FBXW8: variants seen among roughly 807,000 people sequenced by gnomAD.
FBXW8 encodes the protein F-box/WD repeat-containing protein 8.
A neutral mutation model predicts 65.3 loss-of-function variants in FBXW8; 57 were observed. The observed-to-expected ratio is 0.87, with a 90% CI of 0.71 to 1.09. The LOEUF (loss-of-function observed/expected upper bound fraction) is 1.09, where lower values mean the gene tolerates loss of function less well. Ranked by LOEUF, FBXW8 falls within the 50% of genes least tolerant of loss-of-function variation. The pLI, the probability that FBXW8 is intolerant of heterozygous loss-of-function variation, is 0.00. For missense variants in FBXW8, 777 were observed against 814.8 expected (o/e 0.95, Z 0.57); for synonymous variants, 308 against 330.2 (o/e 0.93, Z 0.73).
In FBXW8 at chr12:116,979,814, A is replaced by G. The variant is rs150314746; in HGVS notation, c.836-5392A>G. On this transcript the variant is annotated intron_variant, in intron 5 of 10. Coordinates refer to ENST00000652555, the MANE Select transcript of FBXW8 (RefSeq NM_153348.3). ...AAAAAAAACACTTGCTTCTTATGCC[A>G]CTGCCAAGAAACCAAGTAGAACCTC... 5.1e-3 allele frequency among the ~76,000 whole-genome samples: 760 copies of G among 147,822 alleles called. 7 individuals carry two copies. Among genetic ancestry groups the G allele is most frequent in the African/African-American group, 0.018 (707 of 39,798 alleles).
intron 2 of FBXW8, among the ~76,000 whole-genome samples, chr12:116,941,067 G>T (rs1485194059): frequency 2.6e-5 from 4 of 152,222 alleles, no homozygotes; most frequent in African/African-American, 9.6e-5. Flanking sequence ...CTTCAAAAGG[G>T]CAAAATCAGG....
intron 1 of FBXW8, among the ~76,000 whole-genome samples, chr12:116,915,585 G>T (rs913688508): frequency 6.8e-6 from 1 of 147,958 alleles, no homozygotes; most frequent in Non-Finnish European, 1.5e-5. Flanking sequence ...TTCCACCCAG[G>T]GGTAACCACT....
chr12:116,992,872 C>A (rs1953280493), intron 7 of FBXW8, among the ~76,000 whole-genome samples: 1 of 150,014 alleles, frequency 6.7e-6, no homozygotes, highest in South Asian at 2.1e-4. Context: ...GTGATTTGTC[C>A]TGCAATAAAC....
chr12:117,011,621 T>C (rs1953820530), intron 8 of FBXW8, among the ~76,000 whole-genome samples: 1 of 152,070 alleles, frequency 6.6e-6, no homozygotes, highest in Non-Finnish European at 1.5e-5. Flanking sequence ...TAATCCCGCA[T>C]TTTAGTTTTC....
rs1881468709 is a variant in FBXW8, at chr12:116,928,074, G to A, written c.370G>A (p.Ala124Thr). Residue 124 changes from alanine to threonine, a missense_variant, in exon 2 of 11, where the codon GCA (alanine) becomes ACA (threonine). Coordinates refer to ENST00000652555, the MANE Select transcript of FBXW8 (RefSeq NM_153348.3). ...FFDIQLPYEL[A>T]INIFQYLDRK... ...TGATATCCAACTGCCTTACGAATTG[G>A]CAATCAATATATTTCAGTATCTGGA... The A allele has an allele frequency of 3.1e-6, 5 of 1,611,890 alleles. No homozygotes were observed. The highest frequency in any genetic ancestry group is 4.2e-6 in the Non-Finnish European group (5 of 1,179,228).
intron 1 of FBXW8, among the ~76,000 whole-genome samples, chr12:116,927,269 C>T (rs754561968): frequency 2.0e-5 from 3 of 152,114 alleles, no homozygotes; most frequent in African/African-American, 7.2e-5. Flanking sequence ...AAATAAAGCC[C>T]GTTACCTCAT....
intron 1 of FBXW8, among the ~76,000 whole-genome samples, chr12:116,923,880 C>T (rs955319087): frequency 6.6e-6 from 1 of 152,046 alleles, no homozygotes; most frequent in Non-Finnish European, 1.5e-5. Context: ...GCCACCAGGC[C>T]CGGCTAATTT....
chr12:117,029,266 C>CTATA lies in FBXW8; in HGVS notation c.*1095_*1098dup, dbSNP rs1236865100. 1 of 152,246 alleles carries CTATA rather than the reference C, an allele frequency of 6.6e-6. No homozygotes were observed. Among genetic ancestry groups the CTATA allele is most frequent in the Non-Finnish European group, 1.5e-5 (1 of 68,072 alleles). The allele number at this position is 152,246 out of a possible 1,614,324, so 9.4% of individuals were successfully genotyped here. ...ACCCCAAGACACTGCACCCTATGGG[C>CTATA]TATACCCTCAGGCAGGGCCCTGCTT... On this transcript the variant is annotated 3_prime_UTR_variant, in exon 11 of 11. Transcript: ENST00000652555.
At chr12:117,019,157 C>G (rs1954028970) in intron 8 of FBXW8, among the ~76,000 whole-genome samples, 1 of 152,242 alleles carries the variant, frequency 6.6e-6, no homozygotes, top group African/African-American at 2.4e-5. Flanking sequence ...CTGCATCTTT[C>G]TGCTCCCAGA....
At chr12:116,928,523 G>A (rs528557312) in intron 2 of FBXW8, among the ~76,000 whole-genome samples, 10 of 152,278 alleles carry the variant, frequency 6.6e-5, no homozygotes, top group Admixed American at 2.0e-4. Context: ...GGGTCAGCAC[G>A]AGGACAGAAC....
intron 5 of FBXW8, among the ~76,000 whole-genome samples, chr12:116,984,600 CATG>C (rs2135668006): frequency 6.6e-6 from 1 of 152,346 alleles, no homozygotes; most frequent in South Asian, 2.1e-4. Context: ...TAAGCACTGA[CATG>C]ATGCTACATG....
intron 5 of FBXW8, among the ~76,000 whole-genome samples, chr12:116,966,199 C>T (rs903352643): frequency 1.3e-5 from 2 of 152,146 alleles, no homozygotes; most frequent in African/African-American, 2.4e-5. Context: ...ATTAATATTT[C>T]ATATGTTTAT....
In FBXW8 at chr12:116,945,471, G is replaced by C; in HGVS notation, c.531G>C (p.Trp177Cys). ...GCAGCATCTCTGACTATTCTTGCTG[G>C]AAGCTCATCTTCCAAGAGTGCCGAG... is the stretch of plus-strand genomic sequence containing the variant. ...PDSSISDYSC[W>C]KLIFQECRAK... The change falls in exon 3 of 11, where the codon TGG (tryptophan) becomes TGC (cysteine). Residue 177 changes from tryptophan to cysteine, a missense_variant. Physicochemically the swap from Trp to Cys is radical, Grantham distance 215. Coordinates refer to ENST00000652555, the MANE Select transcript of FBXW8 (RefSeq NM_153348.3). 1 of 1,614,184 alleles carries C rather than the reference G, an allele frequency of 6.2e-7. No homozygotes were observed. The highest frequency in any genetic ancestry group is 8.5e-7 in the Non-Finnish European group (1 of 1,180,022).
At position 117,028,226 on chromosome 12, in the gene FBXW8, A is replaced by G; in HGVS notation, c.*54A>G. The G allele has an allele frequency of 6.3e-7, 1 of 1,599,576 alleles. No individual in the cohort carries two copies. The highest frequency in any genetic ancestry group is 8.5e-7 in the Non-Finnish European group (1 of 1,171,288). ...AAAATGGGAAGAACCAGTTTTATCC[A>G]TCTTAAAACGCCAGGCACCTCTTCA... is the stretch of plus-strand genomic sequence containing the variant. On this transcript the variant is annotated 3_prime_UTR_variant, in exon 11 of 11. Transcript: ENST00000652555. The surrounding 1 kb of genome is among the most constrained non-coding windows in gnomAD (Gnocchi z 4.1).
At chr12:116,914,521 C>T (rs889837823) in intron 1 of FBXW8, among the ~76,000 whole-genome samples, 2 of 136,684 alleles carry the variant, frequency 1.5e-5, no homozygotes, top group South Asian at 2.4e-4. Flanking sequence ...TGCAGTGAGC[C>T]GGGATCACAC....
intron 1 of FBXW8, among the ~76,000 whole-genome samples, chr12:116,916,950 G>A (rs1880475635): frequency 6.6e-6 from 1 of 151,880 alleles, no homozygotes; most frequent in Admixed American, 6.6e-5. Context: ...TCTGGGTTAT[G>A]AGTCATCATA....
At position 117,027,271 on chromosome 12, in the gene FBXW8, G is replaced by A. The variant is rs1195967749; in HGVS notation, c.1542-123G>A. 9.4e-6 allele frequency: 7 copies of A among 746,510 alleles called. No homozygotes were observed. The East Asian group carries it at 1.3e-4, about 14-fold the overall frequency. The allele number at this position is 746,510 out of a possible 1,614,324, so 46.2% of individuals were successfully genotyped here. A position where few individuals can be genotyped will look rare whatever the true frequency, so the allele number is the denominator to read the frequency against. On this transcript the variant is annotated intron_variant, in intron 9 of 10. Transcript: ENST00000652555. The stretch of plus-strand genomic sequence containing the variant: ...CTTCCATGGGGGCCCTGTTCCCTCT[G>A]TGAAAGAGAAGCTTAGCTTTATGGG...
At chr12:116,912,030 G>A (rs999583834) in intron 1 of FBXW8, among the ~76,000 whole-genome samples, 1 of 152,030 alleles carries the variant, frequency 6.6e-6, no homozygotes, top group African/African-American at 2.4e-5. Flanking sequence ...TCAGAAAGTT[G>A]GGAAAATCAA....
rs186868315 is a variant in FBXW8, at chr12:116,947,471, G to A, written c.588+1943G>A. Among the ~76,000 whole-genome samples the A allele has an allele frequency of 5.9e-5, 9 of 152,254 alleles. No homozygotes were observed. The East Asian group carries it at 1.5e-3, about 26-fold the overall frequency. On this transcript the variant is annotated intron_variant, in intron 3 of 10. Transcript: ENST00000652555. Reference sequence around the variant, plus strand: ...CTTATCAAAACATGAAAGGCGGCCCGGCACCGTGGGTCACTCCTGTAATCC... The same window carrying A: ...CTTATCAAAACATGAAAGGCGGCCCAGCACCGTGGGTCACTCCTGTAATCC...
Sources: gnomAD v4.1 joint callset for allele counts (sites outside exome capture counted in the v4.1 genomes callset) on GRCh38, gnomAD v4.1.1 for gene constraint, Gnocchi (gnomAD v3.1) non-coding constraint, MANE v1.5 for transcripts, NCBI Gene and HGNC (gene_info 2026-07-23, HGNC 2026-07-21) for gene names.